ZNF43: variants seen among roughly 807,000 people sequenced by gnomAD.
ZNF43 encodes the protein zinc finger protein 39-like 1 (KOX 27).
A neutral mutation model predicts 68.4 loss-of-function variants in ZNF43; 44 were observed. That is an observed-to-expected ratio of 0.64 (90% confidence interval 0.51 to 0.83). ZNF43 has a LOEUF of 0.83. Ranked by LOEUF, ZNF43 falls within the 40% of genes least tolerant of loss-of-function variation. ZNF43 has a pLI of 0.00. For missense variants in ZNF43, 896 were observed against 933.2 expected (o/e 0.96, Z 0.52); for synonymous variants, 308 against 307.8 (o/e 1.00, Z -0.01).
At chr19:21,810,027 A>T (rs1373368629) in intron 3 of ZNF43, among the ~76,000 whole-genome samples, 1 of 152,212 alleles carries the variant, frequency 6.6e-6, no homozygotes, top group African/African-American at 2.4e-5. Flanking sequence ...GGTGAGTCCA[A>T]TGCAAAGAGC....
chr19:21,851,982 C>A, exon 1 of ZNF43: 3 of 1,528,616 alleles, frequency 2.0e-6, no homozygotes, highest in African/African-American at 1.4e-5. Context: ...GTAACGGAGG[C>A]TGCGACAAAG....
chr19:21,851,832 CTG>C, intron 1 of ZNF43: 2 of 1,484,752 alleles, frequency 1.3e-6, no homozygotes, highest in Non-Finnish European at 1.8e-6. Context: ...CAGGAGCGGA[CTG>C]TGAGGAGGCC....
chr19:21,822,790 G>GC (rs780376465), intron 1 of ZNF43, among the ~76,000 whole-genome samples: 19 of 151,620 alleles, frequency 1.3e-4, no homozygotes, highest in Non-Finnish European at 2.6e-4. Context: ...GGGTGACAGA[G>GC]CAAGACTCCG....
upstream of ZNF43, among the ~76,000 whole-genome samples, chr19:21,839,211 T>G (rs891115641): frequency 1.3e-5 from 2 of 150,012 alleles, no homozygotes; most frequent in Admixed American, 6.7e-5. Context: ...ATTTAAGTGA[T>G]GAAGAAAAAA....
intron 3 of ZNF43, among the ~76,000 whole-genome samples, chr19:21,814,012 C>A (rs2037401845): frequency 6.6e-6 from 1 of 152,104 alleles, no homozygotes; most frequent in African/African-American, 2.4e-5. Context: ...ATCCACCTGT[C>A]TTGGCCTCCC....
chr19:21,842,775 A>C (rs985365092), intron 1 of ZNF43, among the ~76,000 whole-genome samples: 2 of 152,162 alleles, frequency 1.3e-5, no homozygotes, highest in African/African-American at 4.8e-5. Flanking sequence ...ACAAAAGGAG[A>C]GTCATATAAT....
intron 1 of ZNF43, among the ~76,000 whole-genome samples, chr19:21,835,249 CAAAAAAAAAA>C (rs377486360): frequency 2.4e-5 from 2 of 82,580 alleles, no homozygotes; most frequent in Admixed American, 1.6e-4. Context: ...AAGTCCATCT[CAAAAAAAAAA>C]AAAAAAAGAA....
intron 1 of ZNF43, among the ~76,000 whole-genome samples, chr19:21,834,771 TGGAAGGAA>T (rs113045492): frequency 0.027 from 3,673 of 138,236 alleles, 166 homozygotes; most frequent in African/African-American, 0.089. Flanking sequence ...GATGGAAAGA[TGGAAGGAA>T]GGAAGGAAGG....
chr19:21,838,405 T>TC (rs35377796), upstream of ZNF43, among the ~76,000 whole-genome samples: 29,876 of 149,386 alleles, frequency 0.2, 3,165 homozygotes, highest in South Asian at 0.25. Flanking sequence ...CTAAATTTTT[T>TC]TTTTTTTTTT....
At chr19:21,842,260 TTAGC>T (rs901762194) in intron 1 of ZNF43, among the ~76,000 whole-genome samples, 5 of 151,450 alleles carry the variant, frequency 3.3e-5, no homozygotes, top group African/African-American at 1.2e-4. Flanking sequence ...AATACAAAAA[TTAGC>T]TAGGTATGGT....
chr19:21,823,417 C>T (rs2037948737), intron 1 of ZNF43, among the ~76,000 whole-genome samples: 1 of 152,130 alleles, frequency 6.6e-6, no homozygotes, highest in Non-Finnish European at 1.5e-5. Flanking sequence ...TTATCCTAGA[C>T]TGAGACAGAG....
At chr19:21,841,699 G>C (rs1205341948) in intron 1 of ZNF43, 2 of 152,164 alleles carry the variant, frequency 1.3e-5, no homozygotes, top group African/African-American at 2.4e-5. Context: ...CACAATACAA[G>C]GGGCCCAGGT....
chr19:21,827,526 T>G (rs567336176), intron 1 of ZNF43, among the ~76,000 whole-genome samples: 65 of 151,256 alleles, frequency 4.3e-4, no homozygotes, highest in African/African-American at 1.5e-3. Context: ...CATACCTGGC[T>G]AATTTTTCTA....
chr19:21,844,921 A>AAAATATATATAT (rs1310761266), intron 1 of ZNF43, among the ~76,000 whole-genome samples: 2 of 26,050 alleles, frequency 7.7e-5, no homozygotes, highest in Admixed American at 7.3e-4. Flanking sequence ...AAAAAAAAAA[A>AAAATATATATAT]ATATATATAT....
intron 1 of ZNF43, among the ~76,000 whole-genome samples, chr19:21,833,267 TTTTA>T (rs1310035008): frequency 3.3e-5 from 5 of 152,038 alleles, no homozygotes; most frequent in African/African-American, 4.8e-5. Context: ...TTTTATTTTA[TTTTA>T]TTTATTTATT....
intron 3 of ZNF43, among the ~76,000 whole-genome samples, chr19:21,813,226 A>G (rs1421370557): frequency 2.0e-5 from 3 of 151,764 alleles, no homozygotes; most frequent in East Asian, 1.9e-4. Context: ...CTAGGCGACA[A>G]GAGTGAAACT....
chr19:21,810,665 C>A (rs58664716), intron 3 of ZNF43, among the ~76,000 whole-genome samples: 1 of 152,132 alleles, frequency 6.6e-6, no homozygotes, highest in Non-Finnish European at 1.5e-5. Context: ...TTTAAGAATA[C>A]CAGCTGGGTG....
intron 1 of ZNF43, among the ~76,000 whole-genome samples, chr19:21,829,610 A>G (rs2038325407): frequency 1.3e-5 from 2 of 152,194 alleles, no homozygotes; most frequent in South Asian, 4.1e-4. Context: ...GGCTGTTAAT[A>G]TGATTTAAAT....
Position 21,836,181 on chromosome 19 carries a change from A to G in ZNF43, c.-143T>C. ...CGCAGAGCTCCAACTGCAGCCAGAG[A>G]CAAAGGCCCCGCCACATCCCGGAAG... On this transcript the variant is annotated 5_prime_UTR_variant, in exon 1 of 4. Coordinates refer to ENST00000354959, the MANE Select transcript of ZNF43 (RefSeq NM_003423.4). The G allele has an allele frequency of 1.3e-6, 2 of 1,517,984 alleles. No individual in the cohort carries two copies. Among genetic ancestry groups the G allele is most frequent in the South Asian group, 1.2e-5 (1 of 80,236 alleles). 94.0% of individuals were successfully genotyped at this position (1,517,984 alleles called of 1,614,324 possible).
Sources: gnomAD v4.1 joint callset for allele counts (sites outside exome capture counted in the v4.1 genomes callset) on GRCh38, gnomAD v4.1.1 for gene constraint, MANE v1.5 for transcripts, NCBI Gene and HGNC (gene_info 2026-07-23, HGNC 2026-07-21) for gene names.